The following KIAA0319 variants were observed in gnomAD, a reference collection of about 807,000 sequenced individuals.
KIAA0319 encodes dyslexia-associated protein KIAA0319.
A neutral mutation model predicts 108.4 loss-of-function variants in KIAA0319; 83 were observed. The ratio of observed to expected loss-of-function variants is 0.77; its 90% confidence interval spans 0.64 to 0.92. The LOEUF (loss-of-function observed/expected upper bound fraction) is 0.92. Among genes scored for constraint, KIAA0319 ranks in the 40% least tolerant of loss-of-function variants. KIAA0319 has a pLI of 0.00. For missense variants in KIAA0319, 1,195 were observed against 1,322.4 expected (o/e 0.90, Z 1.49); for synonymous variants, 484 against 510.4 (o/e 0.95, Z 0.70).
rs749128230 is a variant in KIAA0319, at chr6:24,554,533, C to G, written c.2948+8G>C. On this transcript the variant is annotated splice_region_variant and intron_variant, in intron 19 of 20. Coordinates refer to ENST00000378214, the MANE Select transcript of KIAA0319 (RefSeq NM_014809.4). The stretch of plus-strand genomic sequence containing the variant: ...TCTCTATTTCCCAGGAATAAGCACT[C>G]TAGGTACCTTTTGCAGCAGCAGATG... The G allele has an allele frequency of 1.9e-6, 3 of 1,605,898 alleles. No individual in the cohort carries two copies. Among genetic ancestry groups the G allele is most frequent in the Non-Finnish European group, 2.6e-6 (3 of 1,172,690 alleles).
At chr6:24,572,753 G>A (rs549119161) in intron 10 of KIAA0319, 55 bp from the exon 11 acceptor site, 2 of 1,483,866 alleles carry the variant, frequency 1.3e-6, no homozygotes, top group South Asian at 2.6e-5. Context: ...AAGTAAAGAA[G>A]CACAAGTAAA....
At chr6:24,569,782 G>A (rs546231576) in intron 12 of KIAA0319, 121 bp downstream of exon 12, 36 of 1,158,454 alleles carry the variant, frequency 3.1e-5, no homozygotes, top group Middle Eastern at 2.0e-4. Context: ...TTCTAGAAAC[G>A]TGCTTAAATC....
downstream of KIAA0319, among the ~76,000 whole-genome samples, chr6:24,542,090 G>A (rs950575750): frequency 1.3e-5 from 2 of 152,128 alleles, no homozygotes; most frequent in Admixed American, 1.3e-4. Flanking sequence ...TGTAGTAAGC[G>A]AGATTGCACC....
chr6:24,557,153 C>T (rs937021593), intron 17 of KIAA0319, among the ~76,000 whole-genome samples: 25 of 151,952 alleles, frequency 1.6e-4, no homozygotes, highest in African/African-American at 4.6e-4. Flanking sequence ...TGCAGTGAGC[C>T]GAGATCGCGC....
At position 24,601,000 on chromosome 6, in the gene KIAA0319, C is replaced by A. The variant is rs755429405; in HGVS notation, c.55+49G>T. The A allele has an allele frequency of 3.7e-6, 6 of 1,612,098 alleles. No homozygotes were observed. In the South Asian group the frequency reaches 6.6e-5, roughly 18 times the overall value. On this transcript the variant is annotated intron_variant, in intron 2 of 20. Transcript: ENST00000378214. ...GTTGATCTGAGTTGCTTACACTAGT[C>A]AAGAAACTCAAGTCCAACACGGGTA... is the stretch of plus-strand genomic sequence containing the variant.
rs1766414865 is a variant in KIAA0319, at chr6:24,580,910, T to C, written c.1279+16A>G. The C allele has an allele frequency of 6.4e-7, 1 of 1,572,220 alleles. No individual in the cohort carries two copies. Among genetic ancestry groups the C allele is most frequent in the Non-Finnish European group, 8.8e-7 (1 of 1,142,616 alleles). On this transcript the variant is annotated intron_variant, in intron 7 of 20. Transcript: ENST00000378214. Reference sequence around the variant, plus strand: ...AAATATGTACAACAGGAGGTCATTCTCTTACACCGGCTTACCAGGCTTAAC... The same window carrying C: ...AAATATGTACAACAGGAGGTCATTCCCTTACACCGGCTTACCAGGCTTAAC...
At chr6:24,623,875 G>A (rs1774308395) in intron 1 of KIAA0319, among the ~76,000 whole-genome samples, 1 of 152,014 alleles carries the variant, frequency 6.6e-6, no homozygotes. Flanking sequence ...TTGTATGCTT[G>A]TGTCAAAACA....
chr6:24,594,951 TTGTC>T (rs1353549028), intron 3 of KIAA0319, among the ~76,000 whole-genome samples: 1 of 152,194 alleles, frequency 6.6e-6, no homozygotes, highest in African/African-American at 2.4e-5. Flanking sequence ...ACAGTTCTCA[TTGTC>T]TGTCTCCCTG....
At chr6:24,540,854 C>T (rs1408671998), downstream of KIAA0319, among the ~76,000 whole-genome samples, 2 of 152,162 alleles carry the variant, frequency 1.3e-5, no homozygotes, top group Admixed American at 6.5e-5. Flanking sequence ...CTATGTAATA[C>T]AATTATCAAA....
intron 1 of KIAA0319, among the ~76,000 whole-genome samples, chr6:24,605,861 A>G (rs1771325859): frequency 6.6e-6 from 1 of 152,130 alleles, no homozygotes; most frequent in Non-Finnish European, 1.5e-5. Context: ...TTTCATTTTT[A>G]TAGAAGACAG....
At position 24,596,236 on chromosome 6, in the gene KIAA0319, T is replaced by G. The variant is rs780387342; in HGVS notation, c.438A>C (p.Lys146Asn). ...DIRKDLTFLGKDWGLEEMSEY... is the reference protein window; with the variant it reads ...DIRKDLTFLGNDWGLEEMSEY... Reference sequence around the variant, plus strand: ...CAGACATCTCCTCTAGGCCCCAATCTTTGCCTAGAAAGGTCAAGTCCTTTC... The same window carrying G: ...CAGACATCTCCTCTAGGCCCCAATCGTTGCCTAGAAAGGTCAAGTCCTTTC... Residue 146 changes from lysine (K) to asparagine (N), a missense_variant, in exon 3 of 21, where the codon AAA (lysine) becomes AAC (asparagine). Lys to Asn is a moderately conservative substitution (Grantham distance 94). Transcript: ENST00000378214. 6.2e-7 allele frequency: 1 copy of G among 1,614,154 alleles called. No individual in the cohort carries two copies. The highest frequency in any genetic ancestry group is 8.5e-7 in the Non-Finnish European group (1 of 1,180,028).
At chr6:24,577,534 A>G (rs1318942347) in intron 9 of KIAA0319, among the ~76,000 whole-genome samples, 1 of 152,204 alleles carries the variant, frequency 6.6e-6, no homozygotes, top group East Asian at 1.9e-4. Flanking sequence ...TCATCCTTCT[A>G]CGTTAAAGAT....
intron 1 of KIAA0319, among the ~76,000 whole-genome samples, chr6:24,628,121 T>A (rs1340623685): frequency 6.6e-6 from 1 of 152,186 alleles, no homozygotes; most frequent in East Asian, 1.9e-4. Flanking sequence ...AATAAAAACA[T>A]CCTATAATGG....
intron 2 of KIAA0319, chr6:24,600,807 T>A: frequency 1.3e-6 from 1 of 747,318 alleles, no homozygotes; most frequent in South Asian, 2.1e-5. Flanking sequence ...ACATAAAGTT[T>A]TCCTAGTATA....
intron 1 of KIAA0319, among the ~76,000 whole-genome samples, chr6:24,645,029 G>A (rs1370016804): frequency 6.6e-6 from 1 of 152,100 alleles, no homozygotes; most frequent in East Asian, 1.9e-4. Flanking sequence ...TGAAGCATTT[G>A]GAAAGTGAGC....
At chr6:24,579,555 T>C (rs1766146174) in intron 8 of KIAA0319, among the ~76,000 whole-genome samples, 1 of 147,614 alleles carries the variant, frequency 6.8e-6, no homozygotes, top group Middle Eastern at 3.5e-3. Context: ...ATACACAAAG[T>C]GATTTTCCAA....
At chr6:24,612,386 G>A (rs1772463866) in intron 1 of KIAA0319, among the ~76,000 whole-genome samples, 1 of 150,956 alleles carries the variant, frequency 6.6e-6, no homozygotes, top group African/African-American at 2.4e-5. Context: ...GGGAGGTCAA[G>A]GCTGCAGTGT....
Position 24,551,539 on chromosome 6 carries a change from T to C in KIAA0319, c.2949-14A>G. The C allele has an allele frequency of 6.6e-7, 1 of 1,523,272 alleles. No homozygotes were observed. The highest frequency in any genetic ancestry group is 9.1e-7 in the Non-Finnish European group (1 of 1,096,818). 94.4% of individuals were successfully genotyped at this position (1,523,272 alleles called of 1,614,324 possible). A position where few individuals can be genotyped will look rare whatever the true frequency, so the allele number is the denominator to read the frequency against. On this transcript the variant is annotated splice_polypyrimidine_tract_variant and intron_variant, in intron 19 of 20. Coordinates refer to ENST00000378214, the MANE Select transcript of KIAA0319 (RefSeq NM_014809.4). ...GTCCTTTTTTGTCTGAAAGGAACAATGAAAAGCTCAACTCAGATCTTTAGA... is the reference window on the plus strand; with the variant it reads ...GTCCTTTTTTGTCTGAAAGGAACAACGAAAAGCTCAACTCAGATCTTTAGA...
chr6:24,577,624 C>G (rs1765732554), intron 9 of KIAA0319, among the ~76,000 whole-genome samples: 1 of 152,084 alleles, frequency 6.6e-6, no homozygotes, highest in Admixed American at 6.5e-5. Flanking sequence ...GCAGGCCTTC[C>G]TTGCAGGGAA....
Sources: allele counts gnomAD v4.1 joint callset (sites outside exome capture counted in the v4.1 genomes callset), GRCh38; gene constraint gnomAD v4.1.1; transcripts MANE v1.5; gene names NCBI Gene and HGNC (gene_info 2026-07-23, HGNC 2026-07-21).